The following FHOD3 variants were observed in gnomAD, a reference collection of about 807,000 sequenced individuals.
FHOD3 encodes FH1/FH2 domain-containing protein 3.
FHOD3 carries 90 observed loss-of-function variants against 173.0 expected under a neutral mutation model. The observed-to-expected ratio is 0.52, with a 90% confidence interval of 0.44 to 0.62. The LOEUF is 0.62. Among genes scored for constraint, FHOD3 ranks in the 20% least tolerant of loss-of-function variants. The pLI is 0.00. For synonymous variants in FHOD3, 828 were observed against 823.0 expected (o/e 1.01, Z -0.10); for missense variants, 1,945 against 2,034.7 (o/e 0.96, Z 0.85).
At chr18:36,315,658 C>T (rs1362332506) in intron 1 of FHOD3, among the ~76,000 whole-genome samples, 1 of 152,160 alleles carries the variant, frequency 6.6e-6, no homozygotes, top group Non-Finnish European at 1.5e-5. Flanking sequence ...TGAGGGAGCA[C>T]TTAGATCAAA....
intron 3 of FHOD3, among the ~76,000 whole-genome samples, chr18:36,481,926 G>A (rs17673868): frequency 0.086 from 13,090 of 152,152 alleles, 626 homozygotes; most frequent in East Asian, 0.21. Context: ...CCTCAACTCC[G>A]AACAGTGATG....
At chr18:36,477,116 TAAG>T (rs968611154) in intron 3 of FHOD3, among the ~76,000 whole-genome samples, 4 of 151,794 alleles carry the variant, frequency 2.6e-5, no homozygotes, top group Admixed American at 2.0e-4. Context: ...TTTGGAGAGA[TAAG>T]GAGGAGGACA....
intron 3 of FHOD3, among the ~76,000 whole-genome samples, chr18:36,388,210 A>T (rs2048119259): frequency 6.6e-6 from 1 of 152,162 alleles, no homozygotes; most frequent in South Asian, 2.1e-4. Context: ...AGCATATCAT[A>T]TCTTTCTGAC....
intron 3 of FHOD3, among the ~76,000 whole-genome samples, chr18:36,412,275 T>C (rs1443518699): frequency 6.6e-6 from 1 of 152,180 alleles, no homozygotes; most frequent in Non-Finnish European, 1.5e-5. Flanking sequence ...GTATATATGT[T>C]CACATCTGCA....
intron 5 of FHOD3, among the ~76,000 whole-genome samples, chr18:36,561,541 T>C (rs2058081929): frequency 6.6e-6 from 1 of 152,226 alleles, no homozygotes; most frequent in Non-Finnish European, 1.5e-5. Context: ...TTTGATATGA[T>C]TTGATTTTGA....
chr18:36,517,821 A>G (rs2056073769), intron 5 of FHOD3, among the ~76,000 whole-genome samples: 1 of 152,206 alleles, frequency 6.6e-6, no homozygotes, highest in Non-Finnish European at 1.5e-5. Context: ...TTTTTTTAAA[A>G]ATGCAGATTT....
At chr18:36,298,451 C>T (rs1598614680) in intron 1 of FHOD3, among the ~76,000 whole-genome samples, 1 of 152,196 alleles carries the variant, frequency 6.6e-6, no homozygotes, top group African/African-American at 2.4e-5. Context: ...GGGACAAAAC[C>T]TCCCTCAGGC....
chr18:36,670,867 A>T (rs1329429755), intron 14 of FHOD3, among the ~76,000 whole-genome samples: 3 of 152,224 alleles, frequency 2.0e-5, no homozygotes, highest in Non-Finnish European at 4.4e-5. Context: ...GGTCTTGCAT[A>T]ATTAGCTTTG....
At chr18:36,768,715 T>C (rs916541362) in intron 27 of FHOD3, among the ~76,000 whole-genome samples, 2 of 152,224 alleles carry the variant, frequency 1.3e-5, no homozygotes, top group Non-Finnish European at 2.9e-5. Context: ...TTTTAAAGGC[T>C]AGATAATTCA....
chr18:36,348,314 C>G (rs1426493002), intron 1 of FHOD3, among the ~76,000 whole-genome samples: 1 of 152,148 alleles, frequency 6.6e-6, no homozygotes, highest in Non-Finnish European at 1.5e-5. Context: ...ATGGAACATG[C>G]TGACTGCTTT....
intron 5 of FHOD3, among the ~76,000 whole-genome samples, chr18:36,550,474 A>AG (rs556067979): frequency 1.2e-3 from 189 of 151,606 alleles, no homozygotes; most frequent in Non-Finnish European, 1.9e-3. Flanking sequence ...GTAAATTTCT[A>AG]GGGGGAAAAA....
chr18:36,725,239 A>C (rs560883983), intron 19 of FHOD3, among the ~76,000 whole-genome samples: 35 of 152,248 alleles, frequency 2.3e-4, no homozygotes, highest in African/African-American at 8.4e-4. Context: ...TTTATCGACA[A>C]ATTAAGACAA....
chr18:36,566,803 G>A (rs978081637), intron 5 of FHOD3, among the ~76,000 whole-genome samples: 3 of 152,058 alleles, frequency 2.0e-5, no homozygotes, highest in Non-Finnish European at 4.4e-5. Flanking sequence ...TGAAGGTGGA[G>A]GATGAGGAAA....
At position 36,615,140 on chromosome 18, in the gene FHOD3, G is replaced by A. The variant is rs62083976; in HGVS notation, c.957+3045G>A. Among the ~76,000 whole-genome samples the A allele has an allele frequency of 4.0e-3, 603 of 152,158 alleles. 1 individual carries two copies. The highest frequency in any genetic ancestry group is 6.5e-3 in the Non-Finnish European group (440 of 67,996). ...GTTGGGATTAAGGGCATGAGCCACCGCGCCCAGCCTTGATTTTTTTATTGT... is the reference window on the plus strand; with the variant it reads ...GTTGGGATTAAGGGCATGAGCCACCACGCCCAGCCTTGATTTTTTTATTGT... On this transcript the variant is annotated intron_variant, in intron 9 of 28. Coordinates refer to ENST00000590592, the MANE Select transcript of FHOD3 (RefSeq NM_001281740.3).
rs144144975 is a variant in FHOD3, at chr18:36,770,236, G to C, written c.4786+810G>C. 1.3e-3 allele frequency among the ~76,000 whole-genome samples: 198 copies of C among 152,342 alleles called. 1 individual carries two copies. Among genetic ancestry groups the C allele is most frequent in the African/African-American group, 4.6e-3 (191 of 41,590 alleles). On this transcript the variant is annotated intron_variant, in intron 28 of 28. Transcript: ENST00000590592. Reference sequence around the variant, plus strand: ...TAGTCTCCACTGGCTTTGCCTCTGAGAATAAGGGTTAGTGACAAGGAAAGA... The same window carrying C: ...TAGTCTCCACTGGCTTTGCCTCTGACAATAAGGGTTAGTGACAAGGAAAGA...
intron 3 of FHOD3, among the ~76,000 whole-genome samples, chr18:36,406,507 G>A (rs910214612): frequency 6.6e-6 from 1 of 152,154 alleles, no homozygotes; most frequent in Non-Finnish European, 1.5e-5. Context: ...GGTGGGGAGA[G>A]AGGGATGCAA....
chr18:36,591,354 C>A (rs1392995621), intron 6 of FHOD3, among the ~76,000 whole-genome samples: 2 of 152,040 alleles, frequency 1.3e-5, no homozygotes, highest in African/African-American at 4.8e-5. Context: ...GCCCTCATCG[C>A]AATGGTTGGG....
chr18:36,649,210 GT>G, intron 10 of FHOD3, 105 bp from the exon 11 acceptor site: 1 of 627,736 alleles, frequency 1.6e-6, no homozygotes, highest in Non-Finnish European at 2.6e-6. Flanking sequence ...TTATTTCGTT[GT>G]TGTTGTTGTT....
chr18:36,638,386 T>G (rs1399036663), intron 10 of FHOD3, among the ~76,000 whole-genome samples: 1 of 151,994 alleles, frequency 6.6e-6, no homozygotes, highest in Admixed American at 6.6e-5. Flanking sequence ...GGAGATGAGG[T>G]TGCACAGTGA....
Sources: gnomAD v4.1 joint callset for allele counts (sites outside exome capture counted in the v4.1 genomes callset) on GRCh38, gnomAD v4.1.1 for gene constraint, MANE v1.5 for transcripts, NCBI Gene and HGNC (gene_info 2026-07-23, HGNC 2026-07-21) for gene names.